The following NCOA2 variants were observed in gnomAD, a reference collection of about 807,000 sequenced individuals.
NCOA2 encodes the protein nuclear receptor coactivator 2, also known as class E basic helix-loop-helix protein 75.
In NCOA2, 21 loss-of-function variants were observed where a neutral mutation model predicts 145.1. The observed-to-expected ratio is 0.14, with a 90% CI of 0.10 to 0.21. The LOEUF (loss-of-function observed/expected upper bound fraction) is 0.21, where lower values mean the gene tolerates loss of function less well. NCOA2 is among the 10% of genes least tolerant of loss of function. The pLI is 1.00. For synonymous variants in NCOA2, 619 were observed against 637.5 expected, an observed-to-expected ratio of 0.97 and a Z score of 0.44; for missense variants, 1,472 against 1,837.6, an observed-to-expected ratio of 0.80 and a Z score of 3.64.
intron 4 of NCOA2, among the ~76,000 whole-genome samples, chr8:70,200,735 T>G (rs1406626914): frequency 6.6e-6 from 1 of 152,098 alleles, no homozygotes; most frequent in African/African-American, 2.4e-5. Flanking sequence ...TCATAGAAGA[T>G]GAACAGTAGT....
At chr8:70,371,604 A>C (rs1477048876) in intron 1 of NCOA2, among the ~76,000 whole-genome samples, 1 of 152,232 alleles carries the variant, frequency 6.6e-6, no homozygotes, top group Non-Finnish European at 1.5e-5. Flanking sequence ...ATTCTGATAC[A>C]GGATATTTTA....
intron 2 of NCOA2, among the ~76,000 whole-genome samples, chr8:70,270,134 A>G (rs1824930399): frequency 1.3e-5 from 2 of 151,974 alleles, no homozygotes; most frequent in Admixed American, 1.3e-4. Flanking sequence ...GTGAGCAGTG[A>G]TCTCACCACT....
At chr8:70,288,335 T>C (rs1223736825) in intron 2 of NCOA2, among the ~76,000 whole-genome samples, 4 of 152,098 alleles carry the variant, frequency 2.6e-5, no homozygotes, top group African/African-American at 9.7e-5. Flanking sequence ...TCTCAGCACT[T>C]TGGGAGGCCA....
chr8:70,295,877 G>T (rs767475192), intron 2 of NCOA2, among the ~76,000 whole-genome samples: 1 of 152,132 alleles, frequency 6.6e-6, no homozygotes, highest in African/African-American at 2.4e-5. Flanking sequence ...CCCATGAGGC[G>T]GAGGTTGCAG....
At chr8:70,184,512 C>T (rs1815834359) in intron 4 of NCOA2, among the ~76,000 whole-genome samples, 1 of 152,120 alleles carries the variant, frequency 6.6e-6, no homozygotes, top group South Asian at 2.1e-4. Flanking sequence ...ATAAGGTTAA[C>T]AGCTGATAGA....
the NCOA2 span, among the ~76,000 whole-genome samples, chr8:70,452,407 G>A: frequency 1.3e-5 from 2 of 152,158 alleles, no homozygotes; most frequent in Admixed American, 6.5e-5. Flanking sequence ...ACACCCATGA[G>A]GATAACTATA....
At chr8:70,348,158 G>A (rs574950342) in intron 1 of NCOA2, among the ~76,000 whole-genome samples, 1 of 152,306 alleles carries the variant, frequency 6.6e-6, no homozygotes, top group African/African-American at 2.4e-5. Context: ...AAAGTGTTTT[G>A]TGGGTCATAA....
At chr8:70,149,714 T>C (rs1811539646) in intron 11 of NCOA2, among the ~76,000 whole-genome samples, 1 of 152,206 alleles carries the variant, frequency 6.6e-6, no homozygotes, top group Non-Finnish European at 1.5e-5. Flanking sequence ...ATATAACCTA[T>C]CTATGTGCCA....
At chr8:70,284,307 C>T (rs1417510616) in intron 2 of NCOA2, among the ~76,000 whole-genome samples, 10 of 152,176 alleles carry the variant, frequency 6.6e-5, no homozygotes, top group African/African-American at 2.4e-4. Flanking sequence ...TCTTTCACTC[C>T]TATTCTCCCT....
chr8:70,362,271 A>G (rs1384362142), intron 1 of NCOA2, among the ~76,000 whole-genome samples: 3 of 152,248 alleles, frequency 2.0e-5, no homozygotes, highest in Non-Finnish European at 2.9e-5. Flanking sequence ...GTCTACGTTA[A>G]TGCACATAGA....
At chr8:70,199,875 T>C (rs550079808) in intron 4 of NCOA2, among the ~76,000 whole-genome samples, 208 of 152,328 alleles carry the variant, frequency 1.4e-3, no homozygotes, top group African/African-American at 4.8e-3. Context: ...GGATTTTTCG[T>C]ACCTCTATAT....
At chr8:70,131,532 G>GT (rs1809101542) in intron 16 of NCOA2, among the ~76,000 whole-genome samples, 1 of 152,186 alleles carries the variant, frequency 6.6e-6, no homozygotes, top group Admixed American at 6.5e-5. Context: ...TGGTTTCTCT[G>GT]TATCTTGTGT....
intron 2 of NCOA2, among the ~76,000 whole-genome samples, chr8:70,270,215 A>C (rs541862709): frequency 3.0e-4 from 45 of 152,218 alleles, no homozygotes; most frequent in African/African-American, 1.1e-3. Flanking sequence ...AGAAGAAAAA[A>C]GAAAAGAGAA....
At chr8:70,374,116 A>G (rs1343307030) in intron 1 of NCOA2, among the ~76,000 whole-genome samples, 2 of 152,214 alleles carry the variant, frequency 1.3e-5, no homozygotes, top group Non-Finnish European at 2.9e-5. Flanking sequence ...TTGTCAAAAT[A>G]GCATGAATTT....
chr8:70,452,366 A>G, the NCOA2 span, among the ~76,000 whole-genome samples: 1 of 152,226 alleles, frequency 6.6e-6, no homozygotes, highest in Non-Finnish European at 1.5e-5. Context: ...ATCATTACGG[A>G]ATGCAAATCA....
the NCOA2 span, among the ~76,000 whole-genome samples, chr8:70,445,107 C>T: frequency 1.2e-4 from 18 of 152,270 alleles, no homozygotes; most frequent in Non-Finnish European, 2.6e-4. Context: ...TTTTACCACA[C>T]TTTTTTTCTT....
upstream of NCOA2, chr8:70,403,892 T>G (rs1273911023): frequency 2.7e-6 from 1 of 372,952 alleles, no homozygotes; most frequent in Non-Finnish European, 4.8e-6. Flanking sequence ...GTCTCCGCAC[T>G]TGCGGAGAGA....
intron 1 of NCOA2, among the ~76,000 whole-genome samples, chr8:70,352,130 T>C (rs182485565): frequency 1.3e-5 from 2 of 152,340 alleles, no homozygotes; most frequent in East Asian, 3.9e-4. Flanking sequence ...AAATATATAC[T>C]AGTATTCAAT....
At chr8:70,326,892 A>C (rs1806635734) in intron 1 of NCOA2, among the ~76,000 whole-genome samples, 1 of 152,226 alleles carries the variant, frequency 6.6e-6, no homozygotes, top group Non-Finnish European at 1.5e-5. Flanking sequence ...CTTTTAAAAA[A>C]TTAAAGGCCT....
Sources: allele counts gnomAD v4.1 joint callset (sites outside exome capture counted in the v4.1 genomes callset), GRCh38; gene constraint gnomAD v4.1.1; transcripts MANE v1.5; gene names NCBI Gene and HGNC (gene_info 2026-07-23, HGNC 2026-07-21).